Variants in NREP observed in about 807,000 individuals in gnomAD.
NREP encodes the protein neuronal regeneration-related protein.
In NREP, 5 loss-of-function variants were observed where a neutral mutation model predicts 8.6. That is an observed-to-expected ratio of 0.58 (90% CI 0.30 to 1.22). The LOEUF (loss-of-function observed/expected upper bound fraction) is 1.22. Ranked by LOEUF, NREP falls within the 50% of genes most tolerant of loss-of-function variation. NREP has a pLI of 0.07. For synonymous variants in NREP, 27 were observed against 28.0 expected (o/e 0.96, Z 0.11); for missense variants, 86 against 82.5 (o/e 1.04, Z -0.17).
intron 2 of NREP, among the ~76,000 whole-genome samples, chr5:111,797,540 A>G (rs898225375): frequency 1.4e-4 from 22 of 152,196 alleles, no homozygotes; most frequent in African/African-American, 5.3e-4. Flanking sequence ...TTCTTTTACT[A>G]AATATAAAGC....
chr5:111,854,000 T>C (rs950738412), intron 2 of NREP, among the ~76,000 whole-genome samples: 4 of 152,110 alleles, frequency 2.6e-5, no homozygotes, highest in African/African-American at 9.7e-5. Context: ...TCAGTGCCCT[T>C]GGGAAAACCA....
chr5:111,739,927 C>T (rs1749500275), intron 2 of NREP, among the ~76,000 whole-genome samples: 1 of 151,874 alleles, frequency 6.6e-6, no homozygotes, highest in African/African-American at 2.4e-5. Context: ...CCTCAAAACC[C>T]TCTAGAATAC....
chr5:111,955,440 G>A (rs565636327), intron 2 of NREP, among the ~76,000 whole-genome samples: 1 of 150,164 alleles, frequency 6.7e-6, no homozygotes, highest in South Asian at 2.1e-4. Flanking sequence ...CAACAAATTT[G>A]GCCATAAACT....
rs146989336 is a variant in NREP, at chr5:111,802,714, T to C, written c.136-67207A>G. ...TAAGGGTTAAAGATTATTTAAAACA[T>C]AATGTATTCTTTTGAAAATTATAAT... On this transcript the variant is annotated intron_variant, in intron 2 of 3. Transcript: ENST00000395634. Among the ~76,000 whole-genome samples, 109 of 152,372 alleles carry C rather than the reference T, an allele frequency of 7.2e-4. 2 individuals are homozygous for C. Among genetic ancestry groups the C allele is most frequent in the African/African-American group, 2.6e-3 (107 of 41,596 alleles).
intron 2 of NREP, among the ~76,000 whole-genome samples, chr5:111,973,196 T>C (rs145377255): frequency 3.9e-5 from 6 of 152,264 alleles, no homozygotes; most frequent in Admixed American, 3.9e-4. Context: ...TTTCTTCTGA[T>C]CTTGCAGTGC....
At chr5:111,945,449 C>T (rs559719019) in intron 2 of NREP, among the ~76,000 whole-genome samples, 3 of 116,488 alleles carry the variant, frequency 2.6e-5, no homozygotes, top group South Asian at 3.2e-4. Context: ...CACCCCACAA[C>T]AGGCCCTGGT....
chr5:111,787,110 TCCTATATTCTCAGC>T (rs1189580539), intron 2 of NREP, among the ~76,000 whole-genome samples: 4 of 152,096 alleles, frequency 2.6e-5, no homozygotes, highest in Non-Finnish European at 5.9e-5. Flanking sequence ...AATGTCTCTG[TCCTATATTCTCAGC>T]CCTGCTGGAT....
At chr5:111,913,148 G>T (rs1035714689) in intron 2 of NREP, among the ~76,000 whole-genome samples, 2 of 152,048 alleles carry the variant, frequency 1.3e-5, no homozygotes, top group African/African-American at 4.8e-5. Context: ...TACAGTAAAG[G>T]CAGGATAGAA....
chr5:111,917,633 A>C (rs1041802663), intron 2 of NREP, among the ~76,000 whole-genome samples: 4 of 152,234 alleles, frequency 2.6e-5, no homozygotes, highest in African/African-American at 9.6e-5. Flanking sequence ...ATAGATGCAG[A>C]AAAGGCCTTC....
At chr5:111,938,159 C>A (rs1755733673) in intron 2 of NREP, among the ~76,000 whole-genome samples, 1 of 151,994 alleles carries the variant, frequency 6.6e-6, no homozygotes, top group Non-Finnish European at 1.5e-5. Flanking sequence ...CTCTTCCTGG[C>A]CATGCTCACC....
At chr5:111,927,308 A>T (rs776491804) in intron 2 of NREP, among the ~76,000 whole-genome samples, 1 of 152,186 alleles carries the variant, frequency 6.6e-6, no homozygotes, top group Non-Finnish European at 1.5e-5. Context: ...CTCAGCATCC[A>T]ATCAAGACTC....
chr5:111,745,474 T>C (rs772047446), intron 2 of NREP, among the ~76,000 whole-genome samples: 3 of 152,212 alleles, frequency 2.0e-5, no homozygotes, highest in South Asian at 2.1e-4. Context: ...TGTAGCATCA[T>C]TGCAGCTAAT....
chr5:111,793,044 A>G (rs1449665255), intron 2 of NREP, among the ~76,000 whole-genome samples: 8 of 152,232 alleles, frequency 5.3e-5, no homozygotes, highest in Non-Finnish European at 1.0e-4. Flanking sequence ...ATTAAAAATT[A>G]TAACCAGGCA....
chr5:111,728,846 T>TAAGC (rs890975416), downstream of NREP: 2 of 152,204 alleles, frequency 1.3e-5, no homozygotes, highest in African/African-American at 4.8e-5. Flanking sequence ...TACAAAAGTT[T>TAAGC]AAGCTTTTTG....
chr5:111,964,874 A>T (rs868765964), intron 2 of NREP, among the ~76,000 whole-genome samples: 10,105 of 111,696 alleles, frequency 0.09, 218 homozygotes, highest in Non-Finnish European at 0.12. Flanking sequence ...AAAAAAAAAA[A>T]AAAAAAAAAA....
At chr5:111,800,180 G>A (rs1270734874) in intron 2 of NREP, among the ~76,000 whole-genome samples, 6 of 151,292 alleles carry the variant, frequency 4.0e-5, no homozygotes, top group East Asian at 1.9e-4. Context: ...CGCCCGCCTC[G>A]GCCTCCCAAA....
intron 2 of NREP, among the ~76,000 whole-genome samples, chr5:111,908,443 C>G (rs1041547360): frequency 6.6e-6 from 1 of 152,002 alleles, no homozygotes; most frequent in African/African-American, 2.4e-5. Flanking sequence ...CCTCCCCACT[C>G]TAGGAGTCAC....
At chr5:111,905,671 G>C (rs1354463353) in intron 2 of NREP, among the ~76,000 whole-genome samples, 2 of 152,052 alleles carry the variant, frequency 1.3e-5, no homozygotes, top group African/African-American at 4.8e-5. Flanking sequence ...CAATGTTTTA[G>C]TGCTGTTGGT....
intron 2 of NREP, chr5:111,846,445 T>TTTTTTTTTTTTTAA (rs1753176561): frequency 2.1e-5 from 2 of 97,404 alleles, no homozygotes; most frequent in Non-Finnish European, 4.1e-5. Context: ...TTTTTTTTTT[T>TTTTTTTTTTTTTAA]GTCTAAAGGT....
Sources: gnomAD v4.1 joint callset for allele counts (sites outside exome capture counted in the v4.1 genomes callset) on GRCh38, gnomAD v4.1.1 for gene constraint, MANE v1.5 for transcripts, NCBI Gene and HGNC (gene_info 2026-07-23, HGNC 2026-07-21) for gene names.